CDH12: variants seen among roughly 807,000 people sequenced by gnomAD.
CDH12 encodes cadherin 12.
In CDH12, 41 loss-of-function variants were observed where a neutral mutation model predicts 74.1. The ratio of observed to expected loss-of-function variants is 0.55; its 90% CI spans 0.43 to 0.72. The LOEUF (loss-of-function observed/expected upper bound fraction) is 0.72, where lower values mean the gene tolerates loss of function less well. Ranked by LOEUF, CDH12 falls within the 30% of genes least tolerant of loss-of-function variation. CDH12 has a pLI of 0.00. For synonymous variants in CDH12, 399 were observed against 355.0 expected (o/e 1.12, Z -1.39); for missense variants, 945 against 977.2 (o/e 0.97, Z 0.44).
chr5:21,860,920 C>T (rs1751011577), intron 6 of CDH12, among the ~76,000 whole-genome samples: 1 of 152,020 alleles, frequency 6.6e-6, no homozygotes, highest in Non-Finnish European at 1.5e-5. Flanking sequence ...ATCAATACTC[C>T]TTAATAAACC....
chr5:22,035,917 T>TA (rs748143487), intron 5 of CDH12, among the ~76,000 whole-genome samples: 4 of 152,350 alleles, frequency 2.6e-5, no homozygotes. Context: ...ATTAGGATTA[T>TA]ATGAGACTCT....
At chr5:22,292,338 TTTG>T (rs1252900077) in intron 3 of CDH12, among the ~76,000 whole-genome samples, 65 of 65,554 alleles carry the variant, frequency 9.9e-4, no homozygotes, top group African/African-American at 3.4e-3. Context: ...GTTTTTGGTT[TTTG>T]TTTTTTTTTT....
intron 1 of CDH12, among the ~76,000 whole-genome samples, chr5:22,783,211 C>A (rs916934375): frequency 6.6e-6 from 1 of 151,980 alleles, no homozygotes; most frequent in African/African-American, 2.4e-5. Flanking sequence ...TAAATATGCA[C>A]GTGCCACTTT....
Position 22,736,460 on chromosome 5 carries a change from A to T in CDH12, c.-523+116598T>A, listed in dbSNP as rs565484841. Among the ~76,000 whole-genome samples the T allele has an allele frequency of 2.1e-3, 319 of 151,870 alleles. 1 individual carries two copies. Among genetic ancestry groups the T allele is most frequent in the African/African-American group, 7.0e-3 (290 of 41,500 alleles). On this transcript the variant is annotated intron_variant, in intron 1 of 14. Transcript: ENST00000382254. Reference sequence around the variant, plus strand: ...TTGCCTTTGCTTTTTTTAAGATTCAAATTTTTAACAAAAATATATGCTGTT... The same window carrying T: ...TTGCCTTTGCTTTTTTTAAGATTCATATTTTTAACAAAAATATATGCTGTT...
chr5:21,969,531 G>T (rs892976326), intron 6 of CDH12, among the ~76,000 whole-genome samples: 1 of 151,828 alleles, frequency 6.6e-6, no homozygotes, highest in South Asian at 2.1e-4. Context: ...CAGCTGCCAC[G>T]TTATGATGTA....
intron 5 of CDH12, among the ~76,000 whole-genome samples, chr5:21,989,132 G>C (rs995814203): frequency 2.0e-5 from 3 of 149,280 alleles, no homozygotes; most frequent in African/African-American, 7.4e-5. Flanking sequence ...GAGAAAGGAA[G>C]GAAAAAAGAA....
intron 3 of CDH12, among the ~76,000 whole-genome samples, chr5:22,239,049 A>G (rs1408276314): frequency 2.6e-5 from 4 of 152,224 alleles, no homozygotes; most frequent in African/African-American, 9.6e-5. Context: ...AGTAATAAAT[A>G]TGATGGTTTT....
At chr5:22,126,532 A>T (rs546649011) in intron 4 of CDH12, among the ~76,000 whole-genome samples, 64 of 152,282 alleles carry the variant, frequency 4.2e-4, no homozygotes, top group African/African-American at 1.5e-3. Flanking sequence ...CTTGCATATA[A>T]AAAAAACTTA....
At chr5:22,687,965 G>A (rs1209623790) in intron 1 of CDH12, among the ~76,000 whole-genome samples, 1 of 152,002 alleles carries the variant, frequency 6.6e-6, no homozygotes, top group South Asian at 2.1e-4. Flanking sequence ...AGGATATTGT[G>A]CATTTTTGAA....
chr5:22,381,192 T>C (rs1301548607), intron 3 of CDH12, among the ~76,000 whole-genome samples: 3 of 151,988 alleles, frequency 2.0e-5, no homozygotes, highest in African/African-American at 7.2e-5. Context: ...CAAACTTTAA[T>C]TGGAATAAAA....
chr5:22,246,175 G>T (rs1580443938), intron 3 of CDH12, among the ~76,000 whole-genome samples: 1 of 152,022 alleles, frequency 6.6e-6, no homozygotes. Context: ...AATTGACTAG[G>T]TCTGTCATTT....
At chr5:22,266,536 G>T (rs1485267241) in intron 3 of CDH12, among the ~76,000 whole-genome samples, 3 of 151,978 alleles carry the variant, frequency 2.0e-5, no homozygotes, top group Non-Finnish European at 4.4e-5. Flanking sequence ...CACAATATTA[G>T]CATTTTTTCT....
At chr5:22,117,458 T>TATATATTATA in intron 4 of CDH12, among the ~76,000 whole-genome samples, 1 of 75,498 alleles carries the variant, frequency 1.3e-5, no homozygotes, top group African/African-American at 5.3e-5. Flanking sequence ...AATATATATA[T>TATATATTATA]TATATATATA....
At position 22,212,526 on chromosome 5, in the gene CDH12, G is replaced by T. The variant is rs1262524056; in HGVS notation, c.-215C>A. ...AATTGAAATTTTCTCTGTGAACGAG[G>T]TGAGAAATCCGTCAAATCAACCGTG... On this transcript the variant is annotated 5_prime_UTR_variant, in exon 4 of 15. Coordinates refer to ENST00000382254, the MANE Select transcript of CDH12 (RefSeq NM_004061.5). 1.0e-6 allele frequency: 1 copy of T among 984,762 alleles called. No individual in the cohort carries two copies. The highest frequency in any genetic ancestry group is 1.2e-6 in the Non-Finnish European group (1 of 829,084). 61.0% of individuals were successfully genotyped at this position (984,762 alleles called of 1,614,324 possible).
At chr5:22,836,114 G>C (rs1202634459) in intron 1 of CDH12, among the ~76,000 whole-genome samples, 5 of 151,026 alleles carry the variant, frequency 3.3e-5, no homozygotes, top group Admixed American at 2.0e-4. Flanking sequence ...ATTTCAAATA[G>C]TGCAAGAGGA....
chr5:22,716,501 G>A (rs1743584839), intron 1 of CDH12, among the ~76,000 whole-genome samples: 1 of 151,626 alleles, frequency 6.6e-6, no homozygotes, highest in Non-Finnish European at 1.5e-5. Flanking sequence ...CACACATACA[G>A]TTATGTATAA....
chr5:21,846,456 A>G (rs1329994593), intron 7 of CDH12, among the ~76,000 whole-genome samples: 1 of 152,138 alleles, frequency 6.6e-6, no homozygotes, highest in Non-Finnish European at 1.5e-5. Flanking sequence ...ACGCCACTTC[A>G]AGAGTATGTC....
At chr5:22,197,749 C>A (rs1286303387) in intron 4 of CDH12, among the ~76,000 whole-genome samples, 1 of 151,972 alleles carries the variant, frequency 6.6e-6, no homozygotes, top group African/African-American at 2.4e-5. Flanking sequence ...TACTTTATTT[C>A]TGGCTCAATG....
chr5:22,821,298 G>T (rs1749686441), intron 1 of CDH12, among the ~76,000 whole-genome samples: 1 of 152,092 alleles, frequency 6.6e-6, no homozygotes, highest in African/African-American at 2.4e-5. Flanking sequence ...GGCAAAAACT[G>T]GGAGTATTCC....
Sources: allele counts gnomAD v4.1 joint callset (sites outside exome capture counted in the v4.1 genomes callset), GRCh38; gene constraint gnomAD v4.1.1; transcripts MANE v1.5; gene names NCBI Gene and HGNC (gene_info 2026-07-23, HGNC 2026-07-21).